KCND2: variants seen among roughly 807,000 people sequenced by gnomAD.
The protein encoded by KCND2 is potassium voltage-gated channel subfamily D member 2.
KCND2 carries 16 observed loss-of-function variants against 54.4 expected under a neutral mutation model. The observed-to-expected ratio is 0.29, with a 90% CI of 0.20 to 0.45. The LOEUF (loss-of-function observed/expected upper bound fraction) is 0.45. Among genes scored for constraint, KCND2 ranks in the 20% least tolerant of loss-of-function variants. KCND2 has a pLI of 1.00. For synonymous variants in KCND2, 317 were observed against 310.7 expected, an observed-to-expected ratio of 1.02 and a Z score of -0.21; for missense variants, 486 against 824.2, an observed-to-expected ratio of 0.59 and a Z score of 5.02.
chr7:120,380,052 A>G (rs980913092), intron 1 of KCND2, among the ~76,000 whole-genome samples: 2 of 152,124 alleles, frequency 1.3e-5, no homozygotes, highest in African/African-American at 2.4e-5. Flanking sequence ...ATTGCAATCA[A>G]TAAATATATC....
intron 1 of KCND2, among the ~76,000 whole-genome samples, chr7:120,529,374 G>A (rs1464449923): frequency 2.6e-5 from 4 of 152,108 alleles, no homozygotes; most frequent in Admixed American, 6.6e-5. Flanking sequence ...CCTTCACCCT[G>A]TTCTCCTCTT....
chr7:120,345,336 A>G (rs1225438861), intron 1 of KCND2, among the ~76,000 whole-genome samples: 3 of 152,182 alleles, frequency 2.0e-5, no homozygotes, highest in Non-Finnish European at 4.4e-5. Context: ...TCATCACATA[A>G]CTAGTACGAT....
intron 1 of KCND2, among the ~76,000 whole-genome samples, chr7:120,579,319 A>G (rs1792482438): frequency 1.3e-5 from 2 of 151,688 alleles, no homozygotes; most frequent in Admixed American, 6.6e-5. Context: ...AAAATATTAC[A>G]TTGGTCTGGG....
chr7:120,522,707 C>A (rs1408301414), intron 1 of KCND2, among the ~76,000 whole-genome samples: 1 of 152,094 alleles, frequency 6.6e-6, no homozygotes, highest in East Asian at 1.9e-4. Flanking sequence ...TATTCAGATT[C>A]TTTATATTCT....
intron 1 of KCND2, among the ~76,000 whole-genome samples, chr7:120,644,963 A>T (rs1461363235): frequency 1.3e-5 from 2 of 151,968 alleles, no homozygotes; most frequent in Non-Finnish European, 2.9e-5. Context: ...TTTCCTATGA[A>T]GTTTTTCTGT....
At chr7:120,451,407 C>A (rs1802105673) in intron 1 of KCND2, among the ~76,000 whole-genome samples, 1 of 152,058 alleles carries the variant, frequency 6.6e-6, no homozygotes, top group Non-Finnish European at 1.5e-5. Context: ...AGTGAGAAAT[C>A]AATAAGGCCA....
At position 120,325,950 on chromosome 7, in the gene KCND2, G is replaced by T. The variant is rs1799967790; in HGVS notation, c.1115+50203G>T. Among the ~76,000 whole-genome samples, 4 of 151,972 alleles carry T rather than the reference G, an allele frequency of 2.6e-5. No homozygotes were observed. The South Asian group carries it at 8.3e-4, about 31-fold the overall frequency. On this transcript the variant is annotated intron_variant, in intron 1 of 5. Coordinates refer to ENST00000331113, the MANE Select transcript of KCND2 (RefSeq NM_012281.3). ...ATAGTTCAATTACCAGTGAAATTAG[G>T]TACACTGGTTTTCAAAGTTTTTCTT...
At chr7:120,668,512 T>C (rs1791954685) in intron 1 of KCND2, among the ~76,000 whole-genome samples, 1 of 152,082 alleles carries the variant, frequency 6.6e-6, no homozygotes, top group African/African-American at 2.4e-5. Context: ...CCTTTATTTT[T>C]TTTGATTTTT....
At chr7:120,688,908 A>G (rs1329514715) in intron 1 of KCND2, among the ~76,000 whole-genome samples, 1 of 152,178 alleles carries the variant, frequency 6.6e-6, no homozygotes, top group Non-Finnish European at 1.5e-5. Flanking sequence ...GGGAAGCCTT[A>G]CCTCATGGAT....
At chr7:120,451,562 A>G (rs1444862528) in intron 1 of KCND2, among the ~76,000 whole-genome samples, 2 of 152,204 alleles carry the variant, frequency 1.3e-5, no homozygotes, top group South Asian at 2.1e-4. Flanking sequence ...CCTTCAAGCT[A>G]TAGGTTGACA....
chr7:120,473,653 G>T (rs1448608842), intron 1 of KCND2, among the ~76,000 whole-genome samples: 1 of 152,004 alleles, frequency 6.6e-6, no homozygotes, highest in Non-Finnish European at 1.5e-5. Context: ...CCAGGCCTCC[G>T]TCTGGTGTAC....
At chr7:120,411,610 A>G (rs1440960649) in intron 1 of KCND2, among the ~76,000 whole-genome samples, 4 of 151,980 alleles carry the variant, frequency 2.6e-5, no homozygotes, top group Admixed American at 2.6e-4. Flanking sequence ...ATAATTTAAA[A>G]ACTTTGTAAG....
At chr7:120,651,842 A>G (rs372318817) in intron 1 of KCND2, among the ~76,000 whole-genome samples, 6 of 152,074 alleles carry the variant, frequency 3.9e-5, no homozygotes, top group Admixed American at 1.3e-4. Context: ...AAGTATCTCT[A>G]TTTATTTAAG....
At chr7:120,568,171 TC>T (rs1179630751) in intron 1 of KCND2, among the ~76,000 whole-genome samples, 1 of 152,210 alleles carries the variant, frequency 6.6e-6, no homozygotes, top group East Asian at 1.9e-4. Flanking sequence ...TAAACTCTCT[TC>T]TAATTCTGAA....
chr7:120,381,544 C>T (rs770615940), intron 1 of KCND2, among the ~76,000 whole-genome samples: 1 of 151,902 alleles, frequency 6.6e-6, no homozygotes, highest in Non-Finnish European at 1.5e-5. Flanking sequence ...ATGTGAGGAA[C>T]AAAAGAAAGC....
chr7:120,537,167 C>T (rs1319286997), intron 1 of KCND2, among the ~76,000 whole-genome samples: 1 of 152,180 alleles, frequency 6.6e-6, no homozygotes, highest in East Asian at 1.9e-4. Flanking sequence ...GTTACGTTAG[C>T]AGGCATAAAA....
At chr7:120,372,844 C>T (rs1469834396) in intron 1 of KCND2, among the ~76,000 whole-genome samples, 1 of 151,928 alleles carries the variant, frequency 6.6e-6, no homozygotes, top group Admixed American at 6.6e-5. Flanking sequence ...GATCAAAGCT[C>T]TCTGCTAAGT....
chr7:120,497,335 C>T (rs1562855552), intron 1 of KCND2, among the ~76,000 whole-genome samples: 1 of 152,068 alleles, frequency 6.6e-6, no homozygotes, highest in Non-Finnish European at 1.5e-5. Flanking sequence ...GTCAATATGG[C>T]CACAACTGGG....
intron 1 of KCND2, among the ~76,000 whole-genome samples, chr7:120,631,554 A>T (rs1187184906): frequency 6.6e-6 from 1 of 152,060 alleles, no homozygotes; most frequent in Admixed American, 6.5e-5. Context: ...GCAAGATATA[A>T]AATTGCATAT....
Sources: allele counts gnomAD v4.1 joint callset (sites outside exome capture counted in the v4.1 genomes callset), GRCh38; gene constraint gnomAD v4.1.1; transcripts MANE v1.5; gene names NCBI Gene and HGNC (gene_info 2026-07-23, HGNC 2026-07-21).